MYO1E: variants seen among roughly 807,000 people sequenced by gnomAD.
MYO1E encodes myosin IE, also known as unconventional myosin-Ie.
MYO1E carries 68 observed loss-of-function variants against 151.1 expected under a neutral mutation model. The observed-to-expected ratio is 0.45, with a 90% confidence interval of 0.37 to 0.55. The LOEUF (loss-of-function observed/expected upper bound fraction) is 0.55, where lower values mean the gene tolerates loss of function less well. Among genes scored for constraint, MYO1E ranks in the 20% least tolerant of loss-of-function variants. The pLI is 0.00. For synonymous variants in MYO1E, 601 were observed against 501.7 expected (o/e 1.20, Z -2.64); for missense variants, 1,363 against 1,389.3 (o/e 0.98, Z 0.30).
At chr15:59,354,762 T>C (rs2080844368) in intron 1 of MYO1E, among the ~76,000 whole-genome samples, 1 of 152,120 alleles carries the variant, frequency 6.6e-6, no homozygotes, top group South Asian at 2.1e-4. Flanking sequence ...TTGTGTGATC[T>C]CAGGTAATTA....
At chr15:59,239,477 AAT>A (rs1198535245) in intron 4 of MYO1E, among the ~76,000 whole-genome samples, 65 of 151,672 alleles carry the variant, frequency 4.3e-4, no homozygotes, top group Admixed American at 8.5e-4. Flanking sequence ...ATTATAAAAT[AAT>A]ATATATAAAG....
chr15:59,136,729 C>T lies in MYO1E; in HGVS notation c.*651G>A, dbSNP rs1462481675. On this transcript the variant is annotated 3_prime_UTR_variant, in exon 28 of 28. Coordinates refer to ENST00000288235, the MANE Select transcript of MYO1E (RefSeq NM_004998.4). ...GGCCAGCCACATTCTAATTGAAGAC[C>T]CAGAGAAAGCAAAGCCAGCAGCCCA... is the stretch of plus-strand genomic sequence containing the variant. 2.2e-6 allele frequency: 1 copy of T among 456,366 alleles called. No homozygotes were observed. The highest frequency in any genetic ancestry group is 2.0e-5 in the African/African-American group (1 of 50,158). 28.3% of individuals were successfully genotyped at this position (456,366 alleles called of 1,614,324 possible). A position where few individuals can be genotyped will look rare whatever the true frequency, so the allele number is the denominator to read the frequency against.
At chr15:59,366,296 TTC>T (rs139428236) in intron 1 of MYO1E, among the ~76,000 whole-genome samples, 4,931 of 22,900 alleles carry the variant, frequency 0.22, 112 homozygotes, top group Non-Finnish European at 0.44. Context: ...TTTCTTTTTT[TTC>T]TCTCTCTCTC....
rs1247579978 is a variant in MYO1E at position 59,136,041 on chromosome 15, G to C, written c.*1339C>G. 1 of 152,314 alleles carries C rather than the reference G, an allele frequency of 6.6e-6. No individual in the cohort carries two copies. The highest frequency in any genetic ancestry group is 2.4e-5 in the African/African-American group (1 of 41,444). The allele number at this position is 152,314 out of a possible 1,614,324, so 9.4% of individuals were successfully genotyped here. Reference sequence around the variant, plus strand: ...GTCCAAGACCAAGGTGGGCAGGGCTGGTTCCTTGTGAGGGTGTGAGGGAGA... The same window carrying C: ...GTCCAAGACCAAGGTGGGCAGGGCTCGTTCCTTGTGAGGGTGTGAGGGAGA... On this transcript the variant is annotated 3_prime_UTR_variant, in exon 28 of 28. Transcript: ENST00000288235.
At chr15:59,281,826 C>T (rs1000845868) in intron 1 of MYO1E, among the ~76,000 whole-genome samples, 3 of 151,946 alleles carry the variant, frequency 2.0e-5, no homozygotes, top group Admixed American at 6.5e-5. Context: ...AAGCCGGTCG[C>T]GGTGGCTCAT....
At chr15:59,296,920 A>G (rs1258941163) in intron 1 of MYO1E, among the ~76,000 whole-genome samples, 2 of 146,022 alleles carry the variant, frequency 1.4e-5, no homozygotes, top group Non-Finnish European at 3.0e-5. Context: ...GCTCACTGCA[A>G]GCTCCGCCTC....
chr15:59,339,438 A>C (rs1212380608), intron 1 of MYO1E, among the ~76,000 whole-genome samples: 1 of 152,226 alleles, frequency 6.6e-6, no homozygotes, highest in Non-Finnish European at 1.5e-5. Flanking sequence ...AACTGACTCC[A>C]TACTGTAGAA....
At chr15:59,174,399 A>G (rs143538531) in intron 19 of MYO1E, among the ~76,000 whole-genome samples, 159 bp from the exon 20 acceptor site, 1 of 152,338 alleles carries the variant, frequency 6.6e-6, no homozygotes, top group Non-Finnish European at 1.5e-5. Flanking sequence ...TTACTGTGGC[A>G]TGTTGTTTAT....
At chr15:59,289,118 C>CG (rs1161157207) in intron 1 of MYO1E, among the ~76,000 whole-genome samples, 1 of 152,170 alleles carries the variant, frequency 6.6e-6, no homozygotes, top group Non-Finnish European at 1.5e-5. Context: ...GATGTGTCCA[C>CG]GGGGCCATCC....
In MYO1E at chr15:59,224,229, T is replaced by C. The variant is rs540895067; in HGVS notation, c.777+460A>G. 2.7e-4 allele frequency among the ~76,000 whole-genome samples: 41 copies of C among 152,300 alleles called. 1 individual carries two copies. The highest frequency in any genetic ancestry group is 8.4e-4 in the African/African-American group (35 of 41,546). On this transcript the variant is annotated intron_variant, in intron 8 of 27. Transcript: ENST00000288235. ...TGAAGGGCATGGCACAGAAAAAGGG[T>C]CCTCTGCCCTAAACAATACAGAGGG...
intron 1 of MYO1E, among the ~76,000 whole-genome samples, chr15:59,370,153 C>T (rs1187510097): frequency 3.3e-5 from 5 of 152,212 alleles, no homozygotes; most frequent in Non-Finnish European, 7.3e-5. Flanking sequence ...TGCTAATCTT[C>T]AGCCACACCC....
intron 1 of MYO1E, among the ~76,000 whole-genome samples, chr15:59,301,553 G>A (rs1325143889): frequency 3.3e-5 from 5 of 152,210 alleles, no homozygotes; most frequent in Admixed American, 6.5e-5. Flanking sequence ...GCTAATGCCC[G>A]AAGGCTATAA....
intron 18 of MYO1E, among the ~76,000 whole-genome samples, chr15:59,185,583 G>C (rs2079691086): frequency 1.3e-5 from 2 of 152,276 alleles, no homozygotes; most frequent in South Asian, 4.2e-4. Flanking sequence ...AATTAAAAAA[G>C]GGTATTTTGG....
chr15:59,171,855 G>A (rs2079596688), intron 22 of MYO1E, 42 bp downstream of exon 22: 1 of 1,613,662 alleles, frequency 6.2e-7, no homozygotes, highest in Non-Finnish European at 8.5e-7. Flanking sequence ...GTGATGCTGA[G>A]GCGAGAAGGG....
intron 3 of MYO1E, among the ~76,000 whole-genome samples, chr15:59,259,556 A>G (rs1231991994): frequency 6.6e-6 from 1 of 152,196 alleles, no homozygotes; most frequent in Non-Finnish European, 1.5e-5. Flanking sequence ...TCTCAAGTGC[A>G]CAAACAACAT....
In MYO1E at chr15:59,214,250, T is replaced by A; in HGVS notation, c.1253A>T (p.Glu418Val). The change falls in exon 12 of 28, where the codon GAA (glutamate) becomes GTA (valine). Residue 418 changes from glutamate (E) to valine (V), a missense_variant. Coordinates refer to ENST00000288235, the MANE Select transcript of MYO1E (RefSeq NM_004998.4). ...TACCTGTTCTGCCTTTAATGTCAGT[T>A]CAATAAAAATCTGCTGCAGTTTTTC... The part of the protein sequence containing the change: ...VNEKLQQIFI[E>V]LTLKAEQEEY... 1 of 1,613,152 alleles carries A rather than the reference T, an allele frequency of 6.2e-7. No homozygotes were observed. Among genetic ancestry groups the A allele is most frequent in the Non-Finnish European group, 8.5e-7 (1 of 1,179,496 alleles).
intron 5 of MYO1E, among the ~76,000 whole-genome samples, chr15:59,234,822 CAAAAAAAAAA>C (rs3053017): frequency 9.8e-6 from 1 of 102,188 alleles, no homozygotes; most frequent in African/African-American, 4.1e-5. Context: ...GACCCCATCT[CAAAAAAAAAA>C]AAAAAAAAAA....
intron 2 of MYO1E, among the ~76,000 whole-genome samples, chr15:59,270,377 C>A (rs1313494657): frequency 6.6e-6 from 1 of 151,644 alleles, no homozygotes; most frequent in Admixed American, 6.6e-5. Flanking sequence ...CATGGTGAAA[C>A]CCTACCTCTA....
intron 7 of MYO1E, among the ~76,000 whole-genome samples, chr15:59,226,249 T>C (rs1292821145): frequency 2.0e-5 from 3 of 152,226 alleles, no homozygotes; most frequent in African/African-American, 4.8e-5. Context: ...ACTAAAAGAA[T>C]TATTTGGCAT....
Sources: allele counts gnomAD v4.1 joint callset (sites outside exome capture counted in the v4.1 genomes callset), GRCh38; gene constraint gnomAD v4.1.1; transcripts MANE v1.5; gene names NCBI Gene and HGNC (gene_info 2026-07-23, HGNC 2026-07-21).